EFCAB7: variants seen among roughly 807,000 people sequenced by gnomAD.
The protein encoded by EFCAB7 is EF-hand calcium binding domain 7.
Under a neutral mutation model 77.1 loss-of-function variants are expected in EFCAB7, and 66 were observed. That is an observed-to-expected ratio of 0.86 (90% CI 0.70 to 1.05). The LOEUF (loss-of-function observed/expected upper bound fraction) is 1.05. Among genes scored for constraint, EFCAB7 ranks in the 50% least tolerant of loss-of-function variants. The pLI is 0.00. For synonymous variants in EFCAB7, 225 were observed against 243.3 expected, an observed-to-expected ratio of 0.92 and a Z score of 0.70; for missense variants, 638 against 730.5, an observed-to-expected ratio of 0.87 and a Z score of 1.46.
At chr1:63,569,157 A>G (rs1010647399) in intron 12 of EFCAB7, 1 of 152,058 alleles carries the variant, frequency 6.6e-6, no homozygotes, top group Non-Finnish European at 1.5e-5. Flanking sequence ...AGTACTGTTG[A>G]CTTATTTCTT....
At chr1:63,548,631 T>C (rs889602649) in intron 7 of EFCAB7, 8 of 152,240 alleles carry the variant, frequency 5.3e-5, no homozygotes, top group African/African-American at 1.9e-4. Flanking sequence ...CATCTCTTCC[T>C]GTTCTGCTCC....
In EFCAB7 at chr1:63,534,116, T is replaced by C. The variant is rs1173577000; in HGVS notation, c.704T>C (p.Leu235Pro). ...GCAGGTGACACCAGGAGTTCTTTAC[T>C]GTCAGCAACCAGGAAGTTCAAAACA... ...LNKGDTRSSL[L>P]SATRKFKTSV... The change falls in exon 6 of 14, where the codon CTG becomes CCG. Residue 235 changes from leucine to proline, a missense_variant. Physicochemically the swap from Leu to Pro is moderately conservative, Grantham distance 98. Transcript: ENST00000371088. 2.5e-6 allele frequency: 4 copies of C among 1,613,422 alleles called. No individual in the cohort carries two copies. Among genetic ancestry groups the C allele is most frequent in the Admixed American group, 1.7e-5 (1 of 59,996 alleles).
chr1:63,564,522 C>G (rs1647147400), intron 11 of EFCAB7, among the ~76,000 whole-genome samples: 1 of 152,078 alleles, frequency 6.6e-6, no homozygotes, highest in African/African-American at 2.4e-5. Flanking sequence ...GCAATCTCTA[C>G]AAGGAGAACT....
intron 2 of EFCAB7, chr1:63,529,682 C>T (rs1200852385): frequency 6.6e-6 from 1 of 151,866 alleles, no homozygotes; most frequent in Non-Finnish European, 1.5e-5. Context: ...CATTGCACTC[C>T]AGCCTGGGCA....
chr1:63,578,180 T>C, the EFCAB7 span, among the ~76,000 whole-genome samples: 1 of 152,140 alleles, frequency 6.6e-6, no homozygotes, highest in Non-Finnish European at 1.5e-5. Flanking sequence ...ATAGGAGGGA[T>C]TTAGAAAGAG....
At chr1:63,585,048 C>T in the EFCAB7 span, among the ~76,000 whole-genome samples, 1 of 151,978 alleles carries the variant, frequency 6.6e-6, no homozygotes, top group Admixed American at 6.6e-5. Flanking sequence ...GGAATGCTTT[C>T]TCGTTTTCTG....
At chr1:63,524,780 C>T (rs1211878311) in intron 1 of EFCAB7, among the ~76,000 whole-genome samples, 1 of 152,012 alleles carries the variant, frequency 6.6e-6, no homozygotes, top group African/African-American at 2.4e-5. Flanking sequence ...GACATTGCTA[C>T]CCCTCAATTT....
At chr1:63,573,300 A>T (rs1263727084), downstream of EFCAB7, among the ~76,000 whole-genome samples, 1 of 151,946 alleles carries the variant, frequency 6.6e-6, no homozygotes, top group Non-Finnish European at 1.5e-5. Context: ...AAGGGGTGAT[A>T]TTGTGGGGTT....
intron 9 of EFCAB7, 88 bp downstream of exon 9, chr1:63,555,603 C>A: frequency 9.1e-7 from 1 of 1,100,196 alleles, no homozygotes. Flanking sequence ...CCAGCTCCCA[C>A]CCCCATCCTC....
chr1:63,550,634 A>G lies in EFCAB7; in HGVS notation c.947-1091A>G, dbSNP rs529433230. 15 of 141,698 alleles carry G rather than the reference A, an allele frequency of 1.1e-4. 1 individual carries two copies. The highest frequency in any genetic ancestry group is 3.4e-3 in the Middle Eastern group (1 of 292). 8.8% of individuals were successfully genotyped at this position (141,698 alleles called of 1,614,324 possible). A position where few individuals can be genotyped will look rare whatever the true frequency, so the allele number is the denominator to read the frequency against. ...GCAACATTAAAAATAGATTTGAAACATTAAAAAAAAAAAAAGAAAGTAGAT... is the reference window on the plus strand; with the variant it reads ...GCAACATTAAAAATAGATTTGAAACGTTAAAAAAAAAAAAAGAAAGTAGAT... On this transcript the variant is annotated intron_variant, in intron 7 of 13. Coordinates refer to ENST00000371088, the MANE Select transcript of EFCAB7 (RefSeq NM_032437.4).
Position 63,531,867 on chromosome 1 carries a change from T to C in EFCAB7, c.235T>C (p.Tyr79His). Residue 79 changes from tyrosine (Y) to histidine (H), a missense_variant, in exon 3 of 14, where the codon TAT becomes CAT. Transcript: ENST00000371088. ...RNPSQKTINK[Y>H]WTPQTAKLNF... ...TCCATCCCAAAAGACCATTAATAAGTATTGGACTCCTCAAACTGCCAAACT... is the reference window on the plus strand; with the variant it reads ...TCCATCCCAAAAGACCATTAATAAGCATTGGACTCCTCAAACTGCCAAACT... The C allele has an allele frequency of 6.2e-7, 1 of 1,613,292 alleles. No individual in the cohort carries two copies. The highest frequency in any genetic ancestry group is 8.5e-7 in the Non-Finnish European group (1 of 1,179,538).
the EFCAB7 span, among the ~76,000 whole-genome samples, chr1:63,582,299 C>T: frequency 2.0e-5 from 3 of 152,162 alleles, no homozygotes; most frequent in Non-Finnish European, 2.9e-5. Flanking sequence ...AAAGTCATGA[C>T]ATTACAAGAA....
the EFCAB7 span, among the ~76,000 whole-genome samples, chr1:63,583,926 C>T: frequency 9.6e-5 from 11 of 115,114 alleles, no homozygotes; most frequent in Admixed American, 6.5e-4. Flanking sequence ...AAATGAAAGA[C>T]GTGGATATGG....
rs997702673 is a variant in EFCAB7, at chr1:63,566,885, A to G, written c.1498-1425A>G. On this transcript the variant is annotated intron_variant, in intron 11 of 13. Transcript: ENST00000371088. ...ATATTTTATAATTATTTTATTTTAT[A>G]TTTATTTATTTTATATTATTAAAAT... Among the ~76,000 whole-genome samples, 9 of 148,852 alleles carry G rather than the reference A, an allele frequency of 6.0e-5. No homozygotes were observed. The East Asian group carries it at 1.7e-3, about 29-fold the overall frequency.
intron 6 of EFCAB7, among the ~76,000 whole-genome samples, chr1:63,543,557 A>C (rs1646854951): frequency 6.6e-6 from 1 of 152,250 alleles, no homozygotes; most frequent in South Asian, 2.1e-4. Flanking sequence ...TTTTAATAAA[A>C]TATGAAAATA....
chr1:63,546,132 A>C, intron 7 of EFCAB7, 75 bp downstream of exon 7: 1 of 1,473,274 alleles, frequency 6.8e-7, no homozygotes, highest in Non-Finnish European at 9.2e-7. Flanking sequence ...TAAGTATTCC[A>C]TAGTCCTAGT....
intron 11 of EFCAB7, among the ~76,000 whole-genome samples, chr1:63,566,360 C>T (rs6682148): frequency 8.1e-4 from 124 of 152,148 alleles, no homozygotes; most frequent in African/African-American, 2.7e-3. Flanking sequence ...GTGAAGAGTA[C>T]GAGGAGGGAG....
At chr1:63,538,171 C>T (rs549851412) in intron 6 of EFCAB7, among the ~76,000 whole-genome samples, 2 of 152,142 alleles carry the variant, frequency 1.3e-5, no homozygotes, top group Non-Finnish European at 2.9e-5. Context: ...ATAAGAATTA[C>T]AAGCTATTAT....
chr1:63,566,653 A>G (rs1242544899), intron 11 of EFCAB7, among the ~76,000 whole-genome samples: 1 of 152,058 alleles, frequency 6.6e-6, no homozygotes, highest in East Asian at 1.9e-4. Flanking sequence ...AGAATTTACC[A>G]GTACTGAACA....
Sources: gnomAD v4.1 joint callset for allele counts (sites outside exome capture counted in the v4.1 genomes callset) on GRCh38, gnomAD v4.1.1 for gene constraint, MANE v1.5 for transcripts, NCBI Gene and HGNC (gene_info 2026-07-23, HGNC 2026-07-21) for gene names.